Variants in MIPOL1 observed in about 807,000 individuals in gnomAD.
The protein encoded by MIPOL1 is mirror-image polydactyly 1.
A neutral mutation model predicts 60.9 loss-of-function variants in MIPOL1; 57 were observed. That is an observed-to-expected ratio of 0.94 (90% CI 0.76 to 1.17). MIPOL1 has a LOEUF of 1.17. MIPOL1 is among the 50% of genes most tolerant of loss of function. The pLI, the probability that MIPOL1 is intolerant of heterozygous loss-of-function variation, is 0.00. For synonymous variants in MIPOL1, 179 were observed against 168.8 expected, an observed-to-expected ratio of 1.06 and a Z score of -0.47; for missense variants, 551 against 511.6, an observed-to-expected ratio of 1.08 and a Z score of -0.74.
At chr14:37,440,907 C>T (rs138573929) in intron 11 of MIPOL1, among the ~76,000 whole-genome samples, 2,418 of 152,178 alleles carry the variant, frequency 0.016, 56 homozygotes, top group African/African-American at 0.055. Flanking sequence ...TTATGTCTGC[C>T]AATTCACCAA....
intron 11 of MIPOL1, among the ~76,000 whole-genome samples, chr14:37,452,175 T>C (rs934687340): frequency 6.6e-6 from 1 of 152,148 alleles, no homozygotes; most frequent in East Asian, 1.9e-4. Context: ...GAAAGAGATA[T>C]GGCTACTAAA....
chr14:37,265,107 T>C (rs1284470747), intron 3 of MIPOL1: 1 of 152,236 alleles, frequency 6.6e-6, no homozygotes, highest in East Asian at 1.9e-4. Context: ...TCTTCATTTT[T>C]CCTAAATTTA....
rs921332735 is a variant in MIPOL1, at chr14:37,545,906, G to A, written c.1263-999G>A. 8.1e-5 allele frequency: 27 copies of A among 335,292 alleles called. 1 individual carries two copies. Among genetic ancestry groups the A allele is most frequent in the Admixed American group, 4.4e-4 (9 of 20,234 alleles). The allele number at this position is 335,292 out of a possible 1,614,324, so 20.8% of individuals were successfully genotyped here. A position where few individuals can be genotyped will look rare whatever the true frequency, so the allele number is the denominator to read the frequency against. ...AGCAGACTAGACTGTGCCGCTTACC[G>A]TAAAGTCTTTGAGAGAGGAAGATTG... On this transcript the variant is annotated intron_variant, in intron 12 of 12. Coordinates refer to ENST00000684589, the MANE Select transcript of MIPOL1 (RefSeq NM_001388067.1).
intron 6 of MIPOL1, chr14:37,279,006 T>G (rs909811397): frequency 1.2e-4 from 18 of 151,748 alleles, no homozygotes; most frequent in African/African-American, 3.9e-4. Flanking sequence ...AATTATAGGA[T>G]ATTTGATAAC....
Position 37,496,773 on chromosome 14 carries a change from A to G in MIPOL1, c.1032-3135A>G, listed in dbSNP as rs1225374096. On this transcript the variant is annotated intron_variant, in intron 11 of 12. Coordinates refer to ENST00000684589, the MANE Select transcript of MIPOL1 (RefSeq NM_001388067.1). ...TGCCATCCCCATCAAGCTACCAATG[A>G]CTTTCTTCACAGAATTGGAAAAAAC... 2.6e-5 allele frequency among the ~76,000 whole-genome samples: 4 copies of G among 152,270 alleles called. No homozygotes were observed. The South Asian group carries it at 6.2e-4, about 24-fold the overall frequency.
chr14:37,371,063 G>A (rs2092624102), intron 10 of MIPOL1, among the ~76,000 whole-genome samples: 1 of 151,400 alleles, frequency 6.6e-6, no homozygotes. Context: ...GTGTGTTTCT[G>A]TTTAATTTAA....
chr14:37,233,884 A>C (rs894507394), intron 1 of MIPOL1, among the ~76,000 whole-genome samples: 3 of 152,166 alleles, frequency 2.0e-5, no homozygotes, highest in Non-Finnish European at 2.9e-5. Flanking sequence ...CATCTTAAAA[A>C]ACTGTTGCCA....
At chr14:37,453,403 T>G (rs1241325603) in intron 11 of MIPOL1, among the ~76,000 whole-genome samples, 2 of 152,182 alleles carry the variant, frequency 1.3e-5, no homozygotes, top group African/African-American at 4.8e-5. Context: ...TGTATTTGAT[T>G]AAACATTTGT....
chr14:37,440,591 A>G (rs944891130), intron 11 of MIPOL1, among the ~76,000 whole-genome samples: 1 of 152,184 alleles, frequency 6.6e-6, no homozygotes, highest in Non-Finnish European at 1.5e-5. Flanking sequence ...TCGTGTTGCT[A>G]CAAAAAACAT....
At chr14:37,225,295 C>T (rs1049816204) in intron 1 of MIPOL1, among the ~76,000 whole-genome samples, 2 of 152,200 alleles carry the variant, frequency 1.3e-5, no homozygotes, top group East Asian at 1.9e-4. Flanking sequence ...TGTGGGGGCT[C>T]TGACCCCACA....
At chr14:37,348,075 C>T (rs1358864969) in intron 9 of MIPOL1, among the ~76,000 whole-genome samples, 1 of 152,148 alleles carries the variant, frequency 6.6e-6, no homozygotes, top group Non-Finnish European at 1.5e-5. Context: ...GCTCTTCCCC[C>T]TCTGGTAGTC....
chr14:37,295,366 A>G (rs1009670495), intron 7 of MIPOL1, among the ~76,000 whole-genome samples: 3 of 152,214 alleles, frequency 2.0e-5, no homozygotes, highest in Non-Finnish European at 4.4e-5. Flanking sequence ...AATTGTAAAG[A>G]CCATCAAGGC....
intron 6 of MIPOL1, among the ~76,000 whole-genome samples, chr14:37,282,666 T>G (rs1461769838): frequency 1.5e-5 from 2 of 137,204 alleles, no homozygotes; most frequent in Non-Finnish European, 3.0e-5. Flanking sequence ...GAAACCCCGC[T>G]GGAGCCTGGG....
chr14:37,245,155 C>T (rs1426810451), intron 1 of MIPOL1, among the ~76,000 whole-genome samples: 1 of 151,800 alleles, frequency 6.6e-6, no homozygotes, highest in African/African-American at 2.4e-5. Flanking sequence ...ACTATGGGGC[C>T]TAAAAATTTT....
chr14:37,500,551 A>AT, intron 12 of MIPOL1, among the ~76,000 whole-genome samples: 1 of 152,364 alleles, frequency 6.6e-6, no homozygotes, highest in Non-Finnish European at 1.5e-5. Flanking sequence ...TTGTAGGTGC[A>AT]TAAAAACCAG....
chr14:37,458,304 C>G (rs2094499703), intron 11 of MIPOL1, among the ~76,000 whole-genome samples: 1 of 152,104 alleles, frequency 6.6e-6, no homozygotes, highest in Non-Finnish European at 1.5e-5. Context: ...AAGCTAAGCT[C>G]TAGACCAAAT....
intron 12 of MIPOL1, among the ~76,000 whole-genome samples, chr14:37,541,702 A>T (rs2095530403): frequency 6.6e-6 from 1 of 152,198 alleles, no homozygotes; most frequent in Admixed American, 6.5e-5. Flanking sequence ...TCTAGCACGT[A>T]TGAGATCAGT....
chr14:37,429,294 AGT>A (rs1312369628), intron 11 of MIPOL1, among the ~76,000 whole-genome samples: 1 of 152,196 alleles, frequency 6.6e-6, no homozygotes, highest in African/African-American at 2.4e-5. Context: ...ACTTAAAGAA[AGT>A]GTAAATTAAA....
chr14:37,299,270 C>A (rs985910434), intron 7 of MIPOL1, among the ~76,000 whole-genome samples: 6 of 150,332 alleles, frequency 4.0e-5, no homozygotes, highest in African/African-American at 1.5e-4. Context: ...AGGGGAACAT[C>A]ACACACAGGG....
Sources: gnomAD v4.1 joint callset for allele counts (sites outside exome capture counted in the v4.1 genomes callset) on GRCh38, gnomAD v4.1.1 for gene constraint, MANE v1.5 for transcripts, NCBI Gene and HGNC (gene_info 2026-07-23, HGNC 2026-07-21) for gene names.